ASXL2: variants seen among roughly 807,000 people sequenced by gnomAD.
ASXL2 encodes the protein ASXL transcriptional regulator 2.
In ASXL2, 23 loss-of-function variants were observed where a neutral mutation model predicts 122.0. That is an observed-to-expected ratio of 0.19 (90% CI 0.14 to 0.27). ASXL2 has a LOEUF of 0.27. ASXL2 is among the 10% of genes least tolerant of loss of function. The pLI is 1.00. For synonymous variants in ASXL2, 650 were observed against 637.0 expected (o/e 1.02, Z -0.31); for missense variants, 1,518 against 1,713.8 (o/e 0.89, Z 2.02).
chr2:25,836,554 T>C (rs1235673180), intron 2 of ASXL2, among the ~76,000 whole-genome samples: 5 of 152,308 alleles, frequency 3.3e-5, no homozygotes, highest in Admixed American at 1.3e-4. Context: ...CCTTAAATAC[T>C]GTATGAAAGA....
intron 5 of ASXL2, among the ~76,000 whole-genome samples, chr2:25,786,444 T>A (rs1309027690): frequency 6.6e-6 from 1 of 151,620 alleles, no homozygotes; most frequent in African/African-American, 2.4e-5. Context: ...TTTCACCGTG[T>A]TAGCCAGGAT....
intron 1 of ASXL2, chr2:25,856,363 C>CATTT: frequency 4.3e-6 from 1 of 234,040 alleles, no homozygotes; most frequent in Non-Finnish European, 8.3e-6. Context: ...CTGGCCTATA[C>CATTT]TTTTTTTTTT....
At chr2:25,861,148 A>G (rs2089839565) in intron 1 of ASXL2, among the ~76,000 whole-genome samples, 1 of 152,210 alleles carries the variant, frequency 6.6e-6, no homozygotes, top group South Asian at 2.1e-4. Flanking sequence ...ATTGAAAACA[A>G]GAAATCAATA....
rs1156771209 is a variant in ASXL2 at position 25,743,592 on chromosome 2, T to C, written c.2745A>G (p.Pro915=). 4 of 1,613,830 alleles carry C rather than the reference T, an allele frequency of 2.5e-6. No individual in the cohort carries two copies. In the African/African-American group the frequency reaches 5.3e-5, roughly 22 times the overall value. The part of the protein sequence containing the change: ...SATTAPAGSA[P]PSSTLPAASS... ...AAGCTGCTGGCAAAGTGCTCGAGGG[T>C]GGAGCTGATCCAGCAGGTGCTGTAG... Residue 915 remains proline, a synonymous_variant, in exon 13 of 13, where the codon CCA becomes CCG. Transcript: ENST00000435504.
chr2:25,782,246 T>C (rs1314410851), intron 5 of ASXL2, among the ~76,000 whole-genome samples: 2 of 152,066 alleles, frequency 1.3e-5, no homozygotes, highest in Non-Finnish European at 2.9e-5. Flanking sequence ...TTACCTGTGT[T>C]GATATAAACA....
intron 5 of ASXL2, among the ~76,000 whole-genome samples, chr2:25,777,370 T>C (rs2088562536): frequency 6.6e-6 from 1 of 152,110 alleles, no homozygotes; most frequent in Non-Finnish European, 1.5e-5. Flanking sequence ...GCCTGGCACA[T>C]GGCTCACACC....
At chr2:25,748,086 G>A (rs1379754338) in intron 12 of ASXL2, among the ~76,000 whole-genome samples, 3 of 152,134 alleles carry the variant, frequency 2.0e-5, no homozygotes, top group Admixed American at 6.5e-5. Flanking sequence ...GCTGAGACAG[G>A]AGAATCCCTT....
chr2:25,762,922 T>C (rs2088279300), intron 8 of ASXL2, among the ~76,000 whole-genome samples: 1 of 151,998 alleles, frequency 6.6e-6, no homozygotes, highest in Non-Finnish European at 1.5e-5. Flanking sequence ...AAACTAACCA[T>C]AGGGGAGCTG....
chr2:25,867,765 T>C (rs1182603736), intron 1 of ASXL2, among the ~76,000 whole-genome samples: 2 of 152,338 alleles, frequency 1.3e-5, no homozygotes, highest in African/African-American at 2.4e-5. Flanking sequence ...ACAGGTTAAT[T>C]AGCCATGCAT....
chr2:25,772,729 C>CA lies in ASXL2; in HGVS notation c.404-1190dup, dbSNP rs70950119. On this transcript the variant is annotated intron_variant, in intron 5 of 12. Transcript: ENST00000435504. ...GGGCAACAAGAGCGAAACTTGGTCT[C>CA]AAAAAAAAAAAAAAAAAAAAAAAAA... 5.6e-4 allele frequency among the ~76,000 whole-genome samples: 33 copies of CA among 58,966 alleles called. 1 individual carries two copies. The highest frequency in any genetic ancestry group is 1.1e-3 in the Admixed American group (4 of 3,618). The allele number at this position is 58,966 out of a possible 152,430, so 38.7% of individuals were successfully genotyped here.
intron 12 of ASXL2, among the ~76,000 whole-genome samples, chr2:25,745,641 CTTTTTTTTTTT>C (rs59530493): frequency 2.6e-5 from 2 of 75,676 alleles, no homozygotes; most frequent in Non-Finnish European, 5.2e-5. Flanking sequence ...TGATTTCCTT[CTTTTTTTTTTT>C]TTTTTTTTTT....
intron 5 of ASXL2, among the ~76,000 whole-genome samples, chr2:25,797,864 T>A (rs771031187): frequency 3.3e-5 from 5 of 152,190 alleles, no homozygotes; most frequent in Non-Finnish European, 5.9e-5. Flanking sequence ...AATCATATGA[T>A]CCAGCAATCA....
Position 25,740,401 on chromosome 2 carries a change from A to C in ASXL2, c.*1628T>G, listed in dbSNP as rs2087808909. 4.4e-6 allele frequency: 1 copy of C among 225,960 alleles called. No homozygotes were observed. The highest frequency in any genetic ancestry group is 1.8e-4 in the South Asian group (1 of 5,484). The allele number at this position is 225,960 out of a possible 1,614,324, so 14.0% of individuals were successfully genotyped here. ...CTGTTCTGCATTTTGTAAATATCACATCCTGAATATGAAGGACAAATACAA... is the reference window on the plus strand; with the variant it reads ...CTGTTCTGCATTTTGTAAATATCACCTCCTGAATATGAAGGACAAATACAA... On this transcript the variant is annotated 3_prime_UTR_variant, in exon 13 of 13. Coordinates refer to ENST00000435504, the MANE Select transcript of ASXL2 (RefSeq NM_018263.6).
At chr2:25,772,947 G>A (rs903070974) in intron 5 of ASXL2, among the ~76,000 whole-genome samples, 2 of 152,058 alleles carry the variant, frequency 1.3e-5, no homozygotes, top group East Asian at 1.9e-4. Flanking sequence ...GGTGGCTAAC[G>A]CCTGTAATCC....
intron 8 of ASXL2, among the ~76,000 whole-genome samples, chr2:25,762,614 G>A (rs1412704989): frequency 1.5e-5 from 2 of 137,784 alleles, no homozygotes; most frequent in African/African-American, 5.5e-5. Flanking sequence ...GCAGTGACCC[G>A]AGATCGCACC....
intron 7 of ASXL2, 132 bp from the exon 8 acceptor site, chr2:25,767,858 T>C (rs1375610759): frequency 3.8e-6 from 4 of 1,049,582 alleles, no homozygotes; most frequent in Admixed American, 2.6e-5. Context: ...TGTTTTGAGT[T>C]TGAAAATTAA....
Position 25,742,697 on chromosome 2 carries a change from G to A in ASXL2, c.3640C>T (p.Pro1214Ser), listed in dbSNP as rs1298837699. The A allele has an allele frequency of 6.2e-7, 1 of 1,613,948 alleles. No individual in the cohort carries two copies. The highest frequency in any genetic ancestry group is 8.5e-7 in the Non-Finnish European group (1 of 1,179,878). ...SAGKGDTSSG[P>S]HSRETLSTSD... ...GTAGATAGAGTTTCCCTGCTGTGAG[G>A]TCCTGAACTTGTGTCACCCTTGCCA... Residue 1214 changes from proline (P) to serine (S), a missense_variant, in exon 13 of 13, where the codon CCT becomes TCT. Pro to Ser is a moderately conservative substitution (Grantham distance 74). Coordinates refer to ENST00000435504, the MANE Select transcript of ASXL2 (RefSeq NM_018263.6).
chr2:25,773,669 A>C (rs1489749268), intron 5 of ASXL2, among the ~76,000 whole-genome samples: 2 of 151,208 alleles, frequency 1.3e-5, no homozygotes, highest in East Asian at 3.9e-4. Flanking sequence ...CCATCTCAAA[A>C]AAAAAAAAAC....
chr2:25,802,731 G>A (rs1271765967), intron 4 of ASXL2, among the ~76,000 whole-genome samples: 1 of 152,186 alleles, frequency 6.6e-6, no homozygotes. Flanking sequence ...CAGGGAGGGA[G>A]GAGACTGAAG....
Sources: gnomAD v4.1 joint callset for allele counts (sites outside exome capture counted in the v4.1 genomes callset) on GRCh38, gnomAD v4.1.1 for gene constraint, MANE v1.5 for transcripts, NCBI Gene and HGNC (gene_info 2026-07-23, HGNC 2026-07-21) for gene names.